LTF: variants seen among roughly 807,000 people sequenced by gnomAD.
The protein encoded by LTF is epididymis luminal protein 110.
A neutral mutation model predicts 87.2 loss-of-function variants in LTF; 91 were observed. That is an observed-to-expected ratio of 1.04 (90% CI 0.88 to 1.24). The LOEUF (loss-of-function observed/expected upper bound fraction) is 1.24, where lower values mean the gene tolerates loss of function less well. Ranked by LOEUF, LTF falls within the 50% of genes most tolerant of loss-of-function variation. LTF has a pLI of 0.00. For synonymous variants in LTF, 378 were observed against 356.1 expected, an observed-to-expected ratio of 1.06 and a Z score of -0.69; for missense variants, 901 against 904.3, an observed-to-expected ratio of 1.00 and a Z score of 0.05.
At chr3:46,475,571 C>T (rs1029983611) in intron 1 of LTF, among the ~76,000 whole-genome samples, 2 of 149,390 alleles carry the variant, frequency 1.3e-5, no homozygotes, top group African/African-American at 4.9e-5. Flanking sequence ...CACACACCCT[C>T]TCTTCATCTA....
chr3:46,453,311 A>T (rs1002010162), intron 6 of LTF, among the ~76,000 whole-genome samples: 2 of 152,228 alleles, frequency 1.3e-5, no homozygotes, highest in Non-Finnish European at 2.9e-5. Context: ...AAAAGTATGA[A>T]AGTCAAAAAT....
chr3:46,456,853 C>T (rs1188749019), intron 2 of LTF, among the ~76,000 whole-genome samples: 1 of 152,184 alleles, frequency 6.6e-6, no homozygotes, highest in African/African-American at 2.4e-5. Context: ...CTTTGGTTTG[C>T]AATGTGGGAT....
chr3:46,441,158 T>A (rs1005312889), intron 14 of LTF, among the ~76,000 whole-genome samples: 2 of 146,314 alleles, frequency 1.4e-5, no homozygotes, highest in African/African-American at 5.1e-5. Context: ...ATGGCTAGTA[T>A]CTGTGTGTGT....
At chr3:46,448,408 A>T (rs1000032324) in intron 9 of LTF, among the ~76,000 whole-genome samples, 1 of 152,058 alleles carries the variant, frequency 6.6e-6, no homozygotes, top group African/African-American at 2.4e-5. Flanking sequence ...GTAAATATTC[A>T]TGTGGAAGAA....
At chr3:46,464,919 G>A (rs1241007216), upstream of LTF, 3 of 1,586,548 alleles carry the variant, frequency 1.9e-6, no homozygotes, top group South Asian at 2.2e-5. Flanking sequence ...ACTTGCGCCT[G>A]CCCTGCGCCC....
At chr3:46,463,347 A>T in intron 1 of LTF, 1 of 508,058 alleles carries the variant, frequency 2.0e-6, no homozygotes, top group Non-Finnish European at 2.5e-6. Context: ...CTGATGGGAA[A>T]CCTCATGAGT....
intron 1 of LTF, among the ~76,000 whole-genome samples, chr3:46,483,925 A>G (rs1219998197): frequency 1.3e-5 from 2 of 152,086 alleles, no homozygotes; most frequent in East Asian, 3.9e-4. Flanking sequence ...TATAGATGTG[A>G]GCTGCTGCAC....
Position 46,446,454 on chromosome 3 carries a change from T to C in LTF, c.1343A>G (p.Asp448Gly), listed in dbSNP as rs1431429258. The C allele has an allele frequency of 1.2e-6, 2 of 1,613,766 alleles. No individual in the cohort carries two copies. The highest frequency in any genetic ancestry group is 1.7e-6 in the Non-Finnish European group (2 of 1,179,892). Residue 448 changes from aspartate (D) to glycine (G), a missense_variant, in exon 11 of 17, where the codon GAT becomes GGT. By Grantham distance (94) the Asp-to-Gly change is moderately conservative. Transcript: ENST00000231751. ...TGCCAACTCACCTTCCACAGGTCTA[T>C]CCACACAGTTAGGATCAGGGTCACT... Reference protein sequence around the residue: ...QSSDPDPNCVDRPVEGYLAVA... With the variant: ...QSSDPDPNCVGRPVEGYLAVA...
At chr3:46,457,871 G>A (rs1217146352) in intron 2 of LTF, among the ~76,000 whole-genome samples, 24 of 152,034 alleles carry the variant, frequency 1.6e-4, no homozygotes, top group South Asian at 1.0e-3. Context: ...TCCACCTCCC[G>A]GGTTAAAGCG....
At chr3:46,456,440 C>T (rs750839428) in intron 2 of LTF, 42 bp from the exon 3 acceptor site, 2 of 1,553,110 alleles carry the variant, frequency 1.3e-6, no homozygotes, top group Non-Finnish European at 1.8e-6. Context: ...AGAAAACTCA[C>T]CCAAACCCAG....
chr3:46,437,620 G>A (rs1476638294), intron 16 of LTF, among the ~76,000 whole-genome samples: 1 of 152,088 alleles, frequency 6.6e-6, no homozygotes, highest in African/African-American at 2.4e-5. Context: ...ATCACACGTG[G>A]CTGGTTTTGT....
At chr3:46,476,268 C>G (rs1703358647) in intron 1 of LTF, among the ~76,000 whole-genome samples, 1 of 152,196 alleles carries the variant, frequency 6.6e-6, no homozygotes, top group Admixed American at 6.5e-5. Context: ...AGAAGGCAAG[C>G]TTTCAACATT....
intron 1 of LTF, 134 bp downstream of exon 1, chr3:46,464,691 G>T: frequency 1.1e-6 from 1 of 932,942 alleles, no homozygotes; most frequent in Non-Finnish European, 1.6e-6. Flanking sequence ...GCCGCCTCCC[G>T]GCTGTAGGCG....
intron 2 of LTF, among the ~76,000 whole-genome samples, chr3:46,459,301 G>A (rs1703017213): frequency 6.6e-6 from 1 of 152,222 alleles, no homozygotes; most frequent in African/African-American, 2.4e-5. Flanking sequence ...AGGGTTTAGA[G>A]GTCATGACTC....
chr3:46,484,111 C>T (rs1013436229), intron 1 of LTF, among the ~76,000 whole-genome samples: 2 of 152,152 alleles, frequency 1.3e-5, no homozygotes, highest in Non-Finnish European at 2.9e-5. Flanking sequence ...ATATGGCCTC[C>T]TCCCTCAAAT....
At chr3:46,459,841 G>A (rs528696995) in intron 1 of LTF, 22 bp from the exon 2 acceptor site, 13 of 1,503,732 alleles carry the variant, frequency 8.6e-6, no homozygotes, top group East Asian at 8.0e-5. Flanking sequence ...GGGCCAAGGA[G>A]TAAGGATTCA....
chr3:46,479,052 C>T (rs1454583325), intron 1 of LTF, among the ~76,000 whole-genome samples: 1 of 152,172 alleles, frequency 6.6e-6, no homozygotes, highest in Admixed American at 6.5e-5. Flanking sequence ...CAGTTCTGCC[C>T]CCAAGGGCAA....
chr3:46,441,542 T>C, intron 13 of LTF, 59 bp from the exon 14 acceptor site: 2 of 1,221,046 alleles, frequency 1.6e-6, no homozygotes, highest in East Asian at 2.3e-5. Flanking sequence ...GGGGCTTTCA[T>C]AAATATTTGT....
chr3:46,470,862 C>G (rs141184268), intron 1 of LTF, among the ~76,000 whole-genome samples: 1 of 152,170 alleles, frequency 6.6e-6, no homozygotes, highest in Non-Finnish European at 1.5e-5. Flanking sequence ...TAATATCCAC[C>G]GTATGAGGTG....
Sources: allele counts gnomAD v4.1 joint callset (sites outside exome capture counted in the v4.1 genomes callset), GRCh38; gene constraint gnomAD v4.1.1; transcripts MANE v1.5; gene names NCBI Gene and HGNC (gene_info 2026-07-23, HGNC 2026-07-21).